Variants in ITPR2 observed in about 807,000 individuals in gnomAD.
ITPR2 encodes inositol 1,4,5-trisphosphate receptor type 2, also known as inositol 1,4,5-trisphosphate-gated calcium channel ITPR2.
Under a neutral mutation model 317.1 loss-of-function variants are expected in ITPR2, and 207 were observed. The ratio of observed to expected loss-of-function variants is 0.65; its 90% CI spans 0.58 to 0.73. The LOEUF is 0.73. Ranked by LOEUF, ITPR2 falls within the 30% of genes least tolerant of loss-of-function variation. ITPR2 has a pLI of 0.00. For synonymous variants in ITPR2, 1,156 were observed against 1,149.1 expected, an observed-to-expected ratio of 1.01 and a Z score of -0.12; for missense variants, 2,613 against 3,284.0, an observed-to-expected ratio of 0.80 and a Z score of 4.99.
In ITPR2 at chr12:26,565,058, G is replaced by A. The variant is rs116696179; in HGVS notation, c.4631-3106C>T. Among the ~76,000 whole-genome samples the A allele has an allele frequency of 7.6e-3, 1,158 of 152,086 alleles. 23 individuals are homozygous for A. The highest frequency in any genetic ancestry group is 0.027 in the African/African-American group (1,101 of 41,486). ...TTATAGATGAAAAATTTTGAAACAC[G>A]GACTTTATGTCCATCTAAACTAAAA... On this transcript the variant is annotated intron_variant, in intron 34 of 56. Transcript: ENST00000381340.
intron 55 of ITPR2, among the ~76,000 whole-genome samples, chr12:26,371,689 T>A (rs1230201854): frequency 6.6e-6 from 1 of 152,164 alleles, no homozygotes. Context: ...CTGAGCCTAG[T>A]GAGAGAGGCA....
At chr12:26,508,084 A>G (rs560983980) in intron 37 of ITPR2, among the ~76,000 whole-genome samples, 1 of 152,170 alleles carries the variant, frequency 6.6e-6, no homozygotes, top group South Asian at 2.1e-4. Context: ...TTTCTGCTTT[A>G]TTTCATTGAT....
At chr12:26,382,567 A>C (rs980237733) in intron 55 of ITPR2, among the ~76,000 whole-genome samples, 6 of 152,156 alleles carry the variant, frequency 3.9e-5, no homozygotes, top group African/African-American at 7.2e-5. Flanking sequence ...TGGGAGGCTA[A>C]GGCAGGAGGA....
chr12:26,556,453 A>C, intron 35 of ITPR2, 78 bp from the exon 36 acceptor site: 1 of 1,387,444 alleles, frequency 7.2e-7, no homozygotes, highest in Non-Finnish European at 9.8e-7. Flanking sequence ...CAAGCTCAAG[A>C]ATACTAATGG....
intron 9 of ITPR2, among the ~76,000 whole-genome samples, chr12:26,706,599 C>T (rs1401172374): frequency 2.0e-5 from 3 of 152,116 alleles, no homozygotes; most frequent in African/African-American, 4.8e-5. Context: ...CCATTTCTTG[C>T]ACATCCTTGA....
At chr12:26,419,296 A>G in intron 49 of ITPR2, 83 bp from the exon 50 acceptor site, 1 of 1,158,278 alleles carries the variant, frequency 8.6e-7, no homozygotes, top group Non-Finnish European at 1.2e-6. Flanking sequence ...ATAGTCCATG[A>G]CTTTTTGACA....
Position 26,602,512 on chromosome 12 carries a change from G to A in ITPR2, c.3553-17C>T, listed in dbSNP as rs749182044. On this transcript the variant is annotated splice_polypyrimidine_tract_variant and intron_variant, in intron 27 of 56. Transcript: ENST00000381340. Reference sequence around the variant, plus strand: ...GATCAAAATCTTTAAAAGGAAGAGGGAAAGCATCAAATATAATAAATAACA... The same window carrying A: ...GATCAAAATCTTTAAAAGGAAGAGGAAAAGCATCAAATATAATAAATAACA... 2 of 1,603,638 alleles carry A rather than the reference G, an allele frequency of 1.2e-6. No homozygotes were observed. The highest frequency in any genetic ancestry group is 2.2e-5 in the East Asian group (1 of 44,672).
In ITPR2 at chr12:26,682,619, A is replaced by G. The variant is rs1301297281; in HGVS notation, c.1203T>C (p.Thr401=). The G allele has an allele frequency of 1.9e-6, 3 of 1,613,106 alleles. No individual in the cohort carries two copies. The South Asian group carries it at 3.3e-5, about 18-fold the overall frequency. ...CTTCATCTGTGTCTATGGGGATACT[A>G]GTACTGGTTACCCATGTGTTGGTGC... The part of the protein sequence containing the change: ...HLCTNTWVTS[T]SIPIDTDEER... Residue 401 remains threonine, a synonymous_variant, in exon 12 of 57, where the codon ACT becomes ACC. Coordinates refer to ENST00000381340, the MANE Select transcript of ITPR2 (RefSeq NM_002223.4).
chr12:26,424,298 G>C (rs1019993172), intron 49 of ITPR2, among the ~76,000 whole-genome samples: 3 of 152,088 alleles, frequency 2.0e-5, no homozygotes, highest in African/African-American at 7.2e-5. Context: ...AAGTCTTGTT[G>C]ATTTGCCTAA....
chr12:26,521,650 G>GGGAGGGAGGAATGAAGAAA (rs1313510477), intron 37 of ITPR2, among the ~76,000 whole-genome samples: 1 of 152,078 alleles, frequency 6.6e-6, no homozygotes, highest in Non-Finnish European at 1.5e-5. Context: ...TAAAAAGAGT[G>GGGAGGGAGGAATGAAGAAA]GGAGGGAGGA....
intron 13 of ITPR2, among the ~76,000 whole-genome samples, chr12:26,666,717 A>G (rs1947639675): frequency 6.6e-6 from 1 of 152,206 alleles, no homozygotes; most frequent in South Asian, 2.1e-4. Flanking sequence ...GAAATTCTAA[A>G]ACCATACACC....
At chr12:26,677,020 G>A (rs1483869426) in intron 13 of ITPR2, among the ~76,000 whole-genome samples, 3 of 151,968 alleles carry the variant, frequency 2.0e-5, no homozygotes, top group Non-Finnish European at 4.4e-5. Context: ...TTCATGGGAG[G>A]GGGAAAATAA....
chr12:26,714,556 T>A (rs1169701718), intron 8 of ITPR2, among the ~76,000 whole-genome samples: 1 of 152,114 alleles, frequency 6.6e-6, no homozygotes, highest in Non-Finnish European at 1.5e-5. Flanking sequence ...ATAAATAATA[T>A]TACCTATAAA....
chr12:26,776,341 G>A (rs1949968779), intron 2 of ITPR2, among the ~76,000 whole-genome samples: 1 of 152,162 alleles, frequency 6.6e-6, no homozygotes, highest in Admixed American at 6.5e-5. Flanking sequence ...GAAAGAAAAT[G>A]AGGAACTCAG....
intron 1 of ITPR2, among the ~76,000 whole-genome samples, chr12:26,823,723 CT>C (rs1428026935): frequency 7.2e-5 from 11 of 152,076 alleles, no homozygotes; most frequent in Admixed American, 7.2e-4. Flanking sequence ...GGTTGGAAAT[CT>C]TTGGATAGGT....
rs1027770203 is a variant in ITPR2 at position 26,339,194 on chromosome 12, C to A, written c.*203G>T. ...CGAATGTGTGATGTACGCTTTCTAG[C>A]AGATGCATTTGAGGTTAGGTCTTCG... On this transcript the variant is annotated 3_prime_UTR_variant, in exon 57 of 57. Coordinates refer to ENST00000381340, the MANE Select transcript of ITPR2 (RefSeq NM_002223.4). The A allele has an allele frequency of 1.8e-6, 1 of 551,220 alleles. No individual in the cohort carries two copies. Among genetic ancestry groups the A allele is most frequent in the African/African-American group, 1.9e-5 (1 of 52,208 alleles). The allele number at this position is 551,220 out of a possible 1,614,324, so 34.1% of individuals were successfully genotyped here.
intron 4 of ITPR2, among the ~76,000 whole-genome samples, chr12:26,722,862 A>T (rs1477027549): frequency 6.6e-6 from 1 of 152,166 alleles, no homozygotes; most frequent in African/African-American, 2.4e-5. Flanking sequence ...TCCAAAGGAG[A>T]CCTTGAGTTT....
chr12:26,716,883 A>G (rs940110673), intron 5 of ITPR2, among the ~76,000 whole-genome samples: 32 of 152,158 alleles, frequency 2.1e-4, no homozygotes, highest in Admixed American at 2.1e-3. Flanking sequence ...TTTAAATAAA[A>G]ACTAAAATTG....
chr12:26,798,183 C>T (rs1287957054), intron 1 of ITPR2, among the ~76,000 whole-genome samples: 1 of 152,146 alleles, frequency 6.6e-6, no homozygotes, highest in Admixed American at 6.5e-5. Context: ...TCAACTCCCT[C>T]TTTCACCTGC....
Sources: allele counts gnomAD v4.1 joint callset (sites outside exome capture counted in the v4.1 genomes callset), GRCh38; gene constraint gnomAD v4.1.1; transcripts MANE v1.5; gene names NCBI Gene and HGNC (gene_info 2026-07-23, HGNC 2026-07-21).